DOCK7: variants seen among roughly 807,000 people sequenced by gnomAD.
The protein encoded by DOCK7 is dedicator of cytokinesis protein 7.
A neutral mutation model predicts 271.0 loss-of-function variants in DOCK7; 138 were observed. That is an observed-to-expected ratio of 0.51 (90% CI 0.44 to 0.59). DOCK7 has a LOEUF of 0.59. DOCK7 is among the 20% of genes least tolerant of loss of function. The pLI, the probability that DOCK7 is intolerant of heterozygous loss-of-function variation, is 0.00. For missense variants in DOCK7, 2,066 were observed against 2,592.4 expected (o/e 0.80, Z 4.41); for synonymous variants, 823 against 876.1 (o/e 0.94, Z 1.07).
intron 19 of DOCK7, among the ~76,000 whole-genome samples, chr1:62,560,566 T>C (rs1178210767): frequency 6.6e-6 from 1 of 152,154 alleles, no homozygotes; most frequent in Non-Finnish European, 1.5e-5. Flanking sequence ...ACCTGGACTC[T>C]ATGGCATTCA....
At chr1:62,640,925 C>T (rs1393918995) in intron 7 of DOCK7, among the ~76,000 whole-genome samples, 1 of 152,170 alleles carries the variant, frequency 6.6e-6, no homozygotes, top group Admixed American at 6.5e-5. Flanking sequence ...TATGTCTGCA[C>T]AATTCTTAGA....
intron 1 of DOCK7, among the ~76,000 whole-genome samples, chr1:62,667,446 T>C (rs768221514): frequency 3.3e-5 from 5 of 152,222 alleles, no homozygotes; most frequent in Admixed American, 3.3e-4. Flanking sequence ...GACACTGCAG[T>C]AGTGTAACTA....
chr1:62,638,918 T>C (rs1338349516), intron 7 of DOCK7, among the ~76,000 whole-genome samples: 1 of 151,986 alleles, frequency 6.6e-6, no homozygotes, highest in Non-Finnish European at 1.5e-5. Flanking sequence ...TTTAGCTCTT[T>C]TTTTTTAGTT....
At chr1:62,479,513 A>C (rs1646057703) in intron 43 of DOCK7, among the ~76,000 whole-genome samples, 1 of 152,176 alleles carries the variant, frequency 6.6e-6, no homozygotes, top group Non-Finnish European at 1.5e-5. Flanking sequence ...AACCATAAGT[A>C]AGCCAAAAGA....
At chr1:62,549,536 T>C (rs1645823474) in intron 22 of DOCK7, among the ~76,000 whole-genome samples, 2 of 152,214 alleles carry the variant, frequency 1.3e-5, no homozygotes, top group Non-Finnish European at 2.9e-5. Flanking sequence ...ATAGTAGACA[T>C]ATGTATTTAT....
At chr1:62,630,138 T>G (rs1482470309) in intron 11 of DOCK7, among the ~76,000 whole-genome samples, 3 of 152,150 alleles carry the variant, frequency 2.0e-5, no homozygotes, top group Admixed American at 6.5e-5. Flanking sequence ...GTGGCCAAAC[T>G]TGAAGACTCA....
chr1:62,514,841 T>C (rs11207978), intron 31 of DOCK7, among the ~76,000 whole-genome samples: 23,043 of 152,006 alleles, frequency 0.15, 2,098 homozygotes, highest in Non-Finnish European at 0.2. Flanking sequence ...AAAGCTAGGA[T>C]TTTAGTCTAG....
chr1:62,633,906 G>A lies in DOCK7; in HGVS notation c.1036-328C>T, dbSNP rs2366638. 0.41 allele frequency: 76,191 copies of A among 186,852 alleles called. 17,491 individuals carry two copies. The highest frequency in any genetic ancestry group is 0.66 in the African/African-American group (28,181 of 42,914). 11.6% of individuals were successfully genotyped at this position (186,852 alleles called of 1,614,324 possible). ...ATGCCCACATTAGCCTCACCTATTA[G>A]GCATAGTAATGGAAGCCCAAGCCTG... On this transcript the variant is annotated intron_variant, in intron 9 of 49. Coordinates refer to ENST00000635253, the MANE Select transcript of DOCK7 (RefSeq NM_001367561.1).
chr1:62,681,572 A>G (rs1661169808), intron 1 of DOCK7, among the ~76,000 whole-genome samples: 2 of 151,948 alleles, frequency 1.3e-5, no homozygotes, highest in Non-Finnish European at 2.9e-5. Flanking sequence ...ACAAAAAAAA[A>G]AAGATTGCCA....
At position 62,645,050 on chromosome 1, in the gene DOCK7, C is replaced by T. The variant is rs144871375; in HGVS notation, c.818+2641G>A. On this transcript the variant is annotated intron_variant, in intron 7 of 49. Transcript: ENST00000635253. ...TTATGATAAAAAAAACAGATAATAA[C>T]AAATATTGGTGAAAACGTGGAGAAA... 5.5e-3 allele frequency among the ~76,000 whole-genome samples: 837 copies of T among 152,112 alleles called. 6 individuals are homozygous for T. The highest frequency in any genetic ancestry group is 0.019 in the African/African-American group (803 of 41,494).
intron 19 of DOCK7, 64 bp downstream of exon 19, chr1:62,561,553 A>T: frequency 1.0e-6 from 1 of 968,166 alleles, no homozygotes. Context: ...TGACATCACA[A>T]GTATTAGATA....
At chr1:62,635,057 TATA>T (rs1367083673) in intron 8 of DOCK7, 135 bp from the exon 9 acceptor site, 28 of 477,616 alleles carry the variant, frequency 5.9e-5, no homozygotes, top group South Asian at 1.2e-4. Context: ...TTACAGTAAT[TATA>T]ATAAGAAAAC....
At chr1:62,655,985 T>G (rs1482469921) in intron 2 of DOCK7, among the ~76,000 whole-genome samples, 1 of 152,188 alleles carries the variant, frequency 6.6e-6, no homozygotes, top group Non-Finnish European at 1.5e-5. Context: ...AGCTCTAAAA[T>G]TTTTTCTATG....
chr1:62,644,695 G>C (rs909878247), intron 7 of DOCK7, among the ~76,000 whole-genome samples: 1 of 152,144 alleles, frequency 6.6e-6, no homozygotes, highest in African/African-American at 2.4e-5. Context: ...GCTGTTCTTA[G>C]GGAACAAAAT....
chr1:62,654,999 G>T (rs1444522204), intron 2 of DOCK7, among the ~76,000 whole-genome samples: 1 of 152,194 alleles, frequency 6.6e-6, no homozygotes, highest in Admixed American at 6.5e-5. Flanking sequence ...TTTTAGTCCA[G>T]TGATACTGAT....
intron 31 of DOCK7, among the ~76,000 whole-genome samples, chr1:62,518,022 A>G (rs1168046): frequency 6.6e-6 from 1 of 152,042 alleles, no homozygotes; most frequent in Admixed American, 6.5e-5. Flanking sequence ...ACAACTATAC[A>G]TATCAACATA....
At chr1:62,638,984 G>A (rs1384654649) in intron 7 of DOCK7, among the ~76,000 whole-genome samples, 1 of 151,740 alleles carries the variant, frequency 6.6e-6, no homozygotes, top group Admixed American at 6.6e-5. Context: ...CATTCATTTG[G>A]CAAAATATTT....
At chr1:62,526,513 A>G (rs1645014270) in intron 31 of DOCK7, among the ~76,000 whole-genome samples, 2 of 152,136 alleles carry the variant, frequency 1.3e-5, no homozygotes, top group African/African-American at 4.8e-5. Flanking sequence ...AAAAGAGTTT[A>G]GAAGTCTCTA....
intron 14 of DOCK7, among the ~76,000 whole-genome samples, chr1:62,606,728 C>A (rs1430810795): frequency 1.3e-5 from 2 of 152,096 alleles, no homozygotes; most frequent in Admixed American, 1.3e-4. Context: ...CAATGGACAA[C>A]CTTCAATCAT....
Sources: gnomAD v4.1 joint callset for allele counts (sites outside exome capture counted in the v4.1 genomes callset) on GRCh38, gnomAD v4.1.1 for gene constraint, MANE v1.5 for transcripts, NCBI Gene and HGNC (gene_info 2026-07-23, HGNC 2026-07-21) for gene names.